MAML3: variants seen among roughly 807,000 people sequenced by gnomAD.
MAML3 encodes mastermind-like protein 3.
Under a neutral mutation model 101.9 loss-of-function variants are expected in MAML3, and 27 were observed. The observed-to-expected ratio is 0.27, with a 90% CI of 0.20 to 0.37. MAML3 has a LOEUF of 0.37. Among genes scored for constraint, MAML3 ranks in the 10% least tolerant of loss-of-function variants. The probability of loss-of-function intolerance (pLI) is 1.00; values close to 1 mark genes in which losing one functional copy is unlikely to be tolerated. For missense variants in MAML3, 1,316 were observed against 1,444.9 expected, an observed-to-expected ratio of 0.91 and a Z score of 1.45; for synonymous variants, 501 against 555.9, an observed-to-expected ratio of 0.90 and a Z score of 1.39.
intron 2 of MAML3, among the ~76,000 whole-genome samples, chr4:139,741,543 G>C (rs371069241): frequency 2.6e-4 from 39 of 152,286 alleles, no homozygotes; most frequent in African/African-American, 6.7e-4. Context: ...CTTGAGTTCA[G>C]TTCAGGACCA....
rs149398744 is a variant in MAML3, at chr4:139,952,364, GTGGGGC to G, written c.469-61403_469-61398del. Among the ~76,000 whole-genome samples, 1,005 of 152,268 alleles carry G rather than the reference GTGGGGC, an allele frequency of 6.6e-3. 10 individuals carry two copies. Among genetic ancestry groups the G allele is most frequent in the African/African-American group, 0.023 (956 of 41,554 alleles). On this transcript the variant is annotated intron_variant, in intron 1 of 4. Transcript: ENST00000509479. ...GGGTCTCTCTGTCCAGAGATATGCA[GTGGGGC>G]AGTTCTGGGACCTGGGGTTACACAT... is the stretch of plus-strand genomic sequence containing the variant.
At chr4:140,003,179 C>A (rs543567334) in intron 1 of MAML3, among the ~76,000 whole-genome samples, 1 of 152,140 alleles carries the variant, frequency 6.6e-6, no homozygotes, top group Admixed American at 6.5e-5. Flanking sequence ...GTTGATGGCA[C>A]GAGGACTTCA....
At chr4:139,762,406 T>A (rs1729775290) in intron 2 of MAML3, among the ~76,000 whole-genome samples, 1 of 152,182 alleles carries the variant, frequency 6.6e-6, no homozygotes, top group African/African-American at 2.4e-5. Context: ...TTATCATTCA[T>A]TTGCATTTCT....
intron 1 of MAML3, among the ~76,000 whole-genome samples, chr4:139,909,792 A>T (rs1560833045): frequency 7.7e-6 from 1 of 129,036 alleles, no homozygotes; most frequent in Admixed American, 1.1e-4. Flanking sequence ...AGCCGAGATC[A>T]CCCCACTGCA....
At chr4:140,016,845 A>G (rs1456581937) in intron 1 of MAML3, among the ~76,000 whole-genome samples, 1 of 152,238 alleles carries the variant, frequency 6.6e-6, no homozygotes. Context: ...GTAAAATGTA[A>G]AACTATAAAG....
At chr4:139,839,774 C>T (rs1017150171) in intron 2 of MAML3, among the ~76,000 whole-genome samples, 5 of 152,048 alleles carry the variant, frequency 3.3e-5, no homozygotes, top group Admixed American at 6.6e-5. Flanking sequence ...GAGGCCTGTA[C>T]GCCATGACTG....
chr4:140,000,056 T>G (rs1734894833), intron 1 of MAML3, among the ~76,000 whole-genome samples: 1 of 152,206 alleles, frequency 6.6e-6, no homozygotes, highest in South Asian at 2.1e-4. Context: ...AAACATCCAA[T>G]TATAACTAAT....
intron 1 of MAML3, among the ~76,000 whole-genome samples, chr4:139,896,906 A>C (rs1455565143): frequency 6.6e-6 from 1 of 152,072 alleles, no homozygotes; most frequent in Non-Finnish European, 1.5e-5. Context: ...GGTGCATGAC[A>C]CCCACAGCAA....
At chr4:139,986,190 T>A (rs1405642445) in intron 1 of MAML3, among the ~76,000 whole-genome samples, 1 of 152,206 alleles carries the variant, frequency 6.6e-6, no homozygotes, top group African/African-American at 2.4e-5. Flanking sequence ...GACAGGGTCA[T>A]CCCTTGTCAT....
intron 1 of MAML3, among the ~76,000 whole-genome samples, chr4:140,106,874 T>C (rs1176303894): frequency 6.6e-6 from 1 of 152,118 alleles, no homozygotes; most frequent in African/African-American, 2.4e-5. Flanking sequence ...GTGGTGGTGT[T>C]TGTTTGTTTT....
At chr4:140,087,271 C>G (rs977106367) in intron 1 of MAML3, among the ~76,000 whole-genome samples, 4 of 152,212 alleles carry the variant, frequency 2.6e-5, no homozygotes, top group Non-Finnish European at 5.9e-5. Flanking sequence ...ATCAGAGGGT[C>G]CATGCTATCT....
At chr4:139,858,045 T>C (rs1332177909) in intron 2 of MAML3, among the ~76,000 whole-genome samples, 1 of 152,096 alleles carries the variant, frequency 6.6e-6, no homozygotes, top group Non-Finnish European at 1.5e-5. Flanking sequence ...CTGGAAAGAG[T>C]ACTCGCTTCA....
chr4:139,962,758 G>C (rs1734044018), intron 1 of MAML3, among the ~76,000 whole-genome samples: 1 of 152,212 alleles, frequency 6.6e-6, no homozygotes, highest in African/African-American at 2.4e-5. Context: ...AGAGGCTGTT[G>C]AAAGTGAGGC....
intron 1 of MAML3, among the ~76,000 whole-genome samples, chr4:139,949,862 A>G (rs2110755814): frequency 6.6e-6 from 1 of 152,330 alleles, no homozygotes; most frequent in South Asian, 2.1e-4. Context: ...TTAACGTTGA[A>G]ATTAGTAGAC....
intron 1 of MAML3, among the ~76,000 whole-genome samples, chr4:140,044,882 A>C (rs1303785845): frequency 6.6e-6 from 1 of 152,188 alleles, no homozygotes; most frequent in African/African-American, 2.4e-5. Context: ...AAGTAACACC[A>C]TGTAAGCTAC....
chr4:139,765,315 G>T (rs1048055961), intron 2 of MAML3, among the ~76,000 whole-genome samples: 1 of 152,234 alleles, frequency 6.6e-6, no homozygotes, highest in Non-Finnish European at 1.5e-5. Context: ...GCTGTTTTAG[G>T]ATGGTAGAAT....
intron 2 of MAML3, among the ~76,000 whole-genome samples, chr4:139,783,953 A>G (rs1730261469): frequency 2.0e-5 from 3 of 152,236 alleles, no homozygotes; most frequent in African/African-American, 7.2e-5. Flanking sequence ...CAGACTAACC[A>G]GCATGTCAGA....
At chr4:140,124,718 T>C (rs1728658956) in intron 1 of MAML3, among the ~76,000 whole-genome samples, 1 of 152,238 alleles carries the variant, frequency 6.6e-6, no homozygotes, top group Admixed American at 6.5e-5. Flanking sequence ...CTAATTAGTC[T>C]TAAGTTGGCC....
chr4:140,060,768 G>A (rs892384468), intron 1 of MAML3, among the ~76,000 whole-genome samples: 1 of 152,026 alleles, frequency 6.6e-6, no homozygotes, highest in African/African-American at 2.4e-5. Flanking sequence ...TTTAAATACA[G>A]GTATTGAATA....
Sources: gnomAD v4.1 joint callset for allele counts (sites outside exome capture counted in the v4.1 genomes callset) on GRCh38, gnomAD v4.1.1 for gene constraint, MANE v1.5 for transcripts, NCBI Gene and HGNC (gene_info 2026-07-23, HGNC 2026-07-21) for gene names.